Variants in DDX24 observed in about 807,000 individuals in gnomAD.
DDX24 encodes the protein ATP-dependent RNA helicase DDX24.
Under a neutral mutation model 68.9 loss-of-function variants are expected in DDX24, and 24 were observed. The observed-to-expected ratio is 0.35, with a 90% CI of 0.25 to 0.49. The LOEUF is 0.49. DDX24 is among the 20% of genes least tolerant of loss of function. The pLI is 0.99. For missense variants in DDX24, 989 were observed against 1,039.0 expected (o/e 0.95, Z 0.66); for synonymous variants, 395 against 385.2 (o/e 1.03, Z -0.30).
chr14:94,077,540 T>C (rs1187357486), intron 2 of DDX24, among the ~76,000 whole-genome samples: 1 of 152,242 alleles, frequency 6.6e-6, no homozygotes, highest in Non-Finnish European at 1.5e-5. Flanking sequence ...CTGTCTATGC[T>C]CTGTGAGGCT....
At position 94,054,882 on chromosome 14, in the gene DDX24, G is replaced by A. The variant is rs538795471; in HGVS notation, c.2178+114C>T. On this transcript the variant is annotated intron_variant, in intron 7 of 8. Transcript: ENST00000621632. ...TACAAGTCTCCTTGTTCAGCTGTTG[G>A]CAGAACCATTCCTTAGTTTTCAAGG... 7.5e-6 allele frequency: 9 copies of A among 1,204,792 alleles called. No individual in the cohort carries two copies. The African/African-American group carries it at 1.4e-4, about 18-fold the overall frequency. The allele number at this position is 1,204,792 out of a possible 1,614,324, so 74.6% of individuals were successfully genotyped here.
chr14:94,051,418 T>G lies in DDX24; in HGVS notation c.2353A>C (p.Met785Leu), dbSNP rs760253546. 1 of 1,586,776 alleles carries G rather than the reference T, an allele frequency of 6.3e-7. No individual in the cohort carries two copies. The highest frequency in any genetic ancestry group is 1.2e-5 in the South Asian group (1 of 86,326). ...CGCAGCTCCTTCTTCAGAACCTTCA[T>G]CTGCTTTTGTCTCCGACGTTCTTCT... ...QQEERRRQKQ[M>L]KVLKKELRHL... Residue 785 changes from methionine to leucine, a missense_variant, in exon 9 of 9, where the codon ATG becomes CTG. Met to Leu is a conservative substitution (Grantham distance 15). This residue lies in a region of DDX24 where 691 missense variants were observed against 760.0 expected (regional missense o/e 0.91). Transcript: ENST00000621632.
intron 2 of DDX24, among the ~76,000 whole-genome samples, chr14:94,072,686 C>T (rs184981601): frequency 3.3e-5 from 5 of 152,054 alleles, no homozygotes; most frequent in East Asian, 3.9e-4. Context: ...AAAAAGTAGC[C>T]GGGCATGGTG....
intron 2 of DDX24, among the ~76,000 whole-genome samples, chr14:94,072,447 G>C (rs980237297): frequency 6.6e-6 from 1 of 152,176 alleles, no homozygotes; most frequent in African/African-American, 2.4e-5. Context: ...CGGGTACTTG[G>C]GGGGAAGAAT....
chr14:94,055,585 G>C lies in DDX24; in HGVS notation c.1990-401C>G, dbSNP rs144660469. 1.4e-3 allele frequency: 277 copies of C among 191,686 alleles called. 1 individual carries two copies. The highest frequency in any genetic ancestry group is 5.5e-3 in the African/African-American group (238 of 43,176). 11.9% of individuals were successfully genotyped at this position (191,686 alleles called of 1,614,324 possible). ...TTGCTAACACACCCACTGAGCCCCT[G>C]GCACACACCATTAATCAAGCACAAC... On this transcript the variant is annotated intron_variant, in intron 6 of 8. Transcript: ENST00000621632.
intron 8 of DDX24, 33 bp downstream of exon 8, chr14:94,052,965 C>T (rs1567056894): frequency 6.3e-7 from 1 of 1,581,342 alleles, no homozygotes. Flanking sequence ...GAGATTTCAA[C>T]TTCCTCAATT....
Position 94,060,099 on chromosome 14 carries a change from C to A in DDX24, c.1912G>T (p.Asp638Tyr). The A allele has an allele frequency of 6.2e-7, 1 of 1,611,278 alleles. No homozygotes were observed. The highest frequency in any genetic ancestry group is 8.5e-7 in the Non-Finnish European group (1 of 1,178,052). The change falls in exon 5 of 9, where the codon GAC becomes TAC. Residue 638 changes from aspartate (D) to tyrosine (Y), a missense_variant and splice_region_variant. Physicochemically the swap from Asp to Tyr is radical, Grantham distance 160. This residue lies in a region of DDX24 where 691 missense variants were observed against 760.0 expected (regional missense o/e 0.91). Coordinates refer to ENST00000621632, the MANE Select transcript of DDX24 (RefSeq NM_020414.4). Reference sequence around the variant, plus strand: ...CCTCTGGGGACAGTCCTAACTTACTCTTCCAGACGGGCAAACTGCTCCAGG... The same window carrying A: ...CCTCTGGGGACAGTCCTAACTTACTATTCCAGACGGGCAAACTGCTCCAGG... ...RNLEQFARLE[D>Y]CVLLATDVAA...
In DDX24 at chr14:94,076,785, A is replaced by T. The variant is rs1885950017; in HGVS notation, c.718+2240T>A. On this transcript the variant is annotated intron_variant, in intron 2 of 8. Transcript: ENST00000621632. ...GGAACAAGAACTGAGGGAGGGAGGG[A>T]GGGACAACAAAAAAAACCCAGGGTA... Among the ~76,000 whole-genome samples, 3 of 145,398 alleles carry T rather than the reference A, an allele frequency of 2.1e-5. 1 individual carries two copies. The highest frequency in any genetic ancestry group is 6.8e-5 in the Admixed American group (1 of 14,704).
intron 1 of DDX24, 74 bp downstream of exon 1, chr14:94,081,045 G>A (rs949204913): frequency 2.0e-5 from 3 of 152,282 alleles, no homozygotes; most frequent in African/African-American, 7.2e-5. Flanking sequence ...AGAGCGACCC[G>A]CGATAGGAAC....
At position 94,055,115 on chromosome 14, in the gene DDX24, T is replaced by C. The variant is rs1368881405; in HGVS notation, c.2059A>G (p.Ser687Gly). The part of the protein sequence containing the change: ...RTARATNEGL[S>G]LMLIGPEDVI... Reference sequence around the variant, plus strand: ...TCCTCAGGCCCAATGAGCATCAGACTGAGGCCTTCATTGGTAGCTCGAGCA... The same window carrying C: ...TCCTCAGGCCCAATGAGCATCAGACCGAGGCCTTCATTGGTAGCTCGAGCA... The change falls in exon 7 of 9, where the codon AGT becomes GGT. Residue 687 changes from serine (S) to glycine (G), a missense_variant. By Grantham distance (56) the Ser-to-Gly change is moderately conservative (BLOSUM62 0). Transcript: ENST00000621632. 1.9e-6 allele frequency: 3 copies of C among 1,614,100 alleles called. No homozygotes were observed. Among genetic ancestry groups the C allele is most frequent in the East Asian group, 4.5e-5 (2 of 44,906 alleles).
At chr14:94,069,284 T>TG (rs1567060893) in intron 2 of DDX24, among the ~76,000 whole-genome samples, 1 of 152,000 alleles carries the variant, frequency 6.6e-6, no homozygotes, top group East Asian at 1.9e-4. Context: ...GATAAATTCC[T>TG]GGAAAAAAAA....
At chr14:94,075,651 G>A (rs1885922769) in intron 2 of DDX24, among the ~76,000 whole-genome samples, 1 of 152,114 alleles carries the variant, frequency 6.6e-6, no homozygotes, top group African/African-American at 2.4e-5. Flanking sequence ...TAAAAGACAA[G>A]GCTAATTTGG....
chr14:94,075,095 T>C (rs530460212), intron 2 of DDX24, among the ~76,000 whole-genome samples: 1 of 152,330 alleles, frequency 6.6e-6, no homozygotes, highest in African/African-American at 2.4e-5. Context: ...ATTTGCTCTG[T>C]AATCAACAGA....
At chr14:94,073,096 T>C (rs1885867151) in intron 2 of DDX24, among the ~76,000 whole-genome samples, 2 of 149,672 alleles carry the variant, frequency 1.3e-5, no homozygotes, top group Non-Finnish European at 3.0e-5. Flanking sequence ...CTTTTTTTTT[T>C]TTTTTTTGAG....
chr14:94,048,543 A>G lies in DDX24; in HGVS notation c.*2648T>C, dbSNP rs777614750. 6.6e-6 allele frequency: 1 copy of G among 152,148 alleles called. No homozygotes were observed. Among genetic ancestry groups the G allele is most frequent in the African/African-American group, 2.4e-5 (1 of 41,412 alleles). The allele number at this position is 152,148 out of a possible 1,614,324, so 9.4% of individuals were successfully genotyped here. A position where few individuals can be genotyped will look rare whatever the true frequency, so the allele number is the denominator to read the frequency against. On this transcript the variant is annotated 3_prime_UTR_variant, in exon 9 of 9. Coordinates refer to ENST00000621632, the MANE Select transcript of DDX24 (RefSeq NM_020414.4). ...AGTTTGTGAAATGGCAACAATACCT[A>G]TGTGTCACTGGATTATTGGTTAAAA...
rs1885378081 is a variant in DDX24, at chr14:94,051,123, G to A, written c.*68C>T. 1.4e-6 allele frequency: 2 copies of A among 1,475,668 alleles called. No individual in the cohort carries two copies. The highest frequency in any genetic ancestry group is 1.4e-5 in the African/African-American group (1 of 70,386). 91.4% of individuals were successfully genotyped at this position (1,475,668 alleles called of 1,614,324 possible). ...GGTTGGTGGTGGAGTGAAACACAAGGGTGGGAGAGGTTTTGCAAATAGCCA... is the reference window on the plus strand; with the variant it reads ...GGTTGGTGGTGGAGTGAAACACAAGAGTGGGAGAGGTTTTGCAAATAGCCA... On this transcript the variant is annotated 3_prime_UTR_variant, in exon 9 of 9. Transcript: ENST00000621632.
chr14:94,077,777 C>T (rs1037074822), intron 2 of DDX24, among the ~76,000 whole-genome samples: 4 of 151,930 alleles, frequency 2.6e-5, no homozygotes, highest in Non-Finnish European at 4.4e-5. Context: ...GTTCCAGAAA[C>T]CCAAAGCACG....
At chr14:94,080,292 A>G (rs1886043368) in intron 1 of DDX24, among the ~76,000 whole-genome samples, 2 of 152,196 alleles carry the variant, frequency 1.3e-5, no homozygotes, top group Admixed American at 6.5e-5. Flanking sequence ...CTGCTCCACC[A>G]TCCTTTCCTT....
rs149352941 is a variant in DDX24, at chr14:94,070,391, C to T, written c.719-7770G>A. On this transcript the variant is annotated intron_variant, in intron 2 of 8. Transcript: ENST00000621632. The stretch of plus-strand genomic sequence containing the variant: ...CAGAAACAAATGGAAACACATCCCA[C>T]GCTCATGGATGGGTAAAATCAATAT... Among the ~76,000 whole-genome samples the T allele has an allele frequency of 6.9e-3, 1,048 of 152,230 alleles. 14 individuals are homozygous for T. The highest frequency in any genetic ancestry group is 0.024 in the African/African-American group (981 of 41,540).
Sources: gnomAD v4.1 joint callset for allele counts (sites outside exome capture counted in the v4.1 genomes callset) on GRCh38, gnomAD v4.1.1 for gene constraint, gnomAD v4.1.1 regional missense constraint, MANE v1.5 for transcripts, NCBI Gene and HGNC (gene_info 2026-07-23, HGNC 2026-07-21) for gene names.